EPHA6: variants seen among roughly 807,000 people sequenced by gnomAD.
EPHA6 encodes EPH receptor A6, also known as ephrin type-A receptor 6.
In EPHA6, 50 loss-of-function variants were observed where a neutral mutation model predicts 112.0. That is an observed-to-expected ratio of 0.45 (90% CI 0.36 to 0.56). The LOEUF is 0.56. EPHA6 is among the 20% of genes least tolerant of loss of function. EPHA6 has a pLI of 0.00. For missense variants in EPHA6, 1,280 were observed against 1,417.4 expected, an observed-to-expected ratio of 0.90 and a Z score of 1.56; for synonymous variants, 529 against 490.7, an observed-to-expected ratio of 1.08 and a Z score of -1.03.
intron 3 of EPHA6, among the ~76,000 whole-genome samples, chr3:97,206,571 G>T (rs1195426015): frequency 6.6e-6 from 1 of 151,820 alleles, no homozygotes; most frequent in Non-Finnish European, 1.5e-5. Flanking sequence ...CAGTTAAAAT[G>T]CCTCATCTCC....
chr3:97,198,867 G>A (rs1205140339), intron 3 of EPHA6, among the ~76,000 whole-genome samples: 1 of 152,066 alleles, frequency 6.6e-6, no homozygotes, highest in Non-Finnish European at 1.5e-5. Context: ...CTTAAAGTTT[G>A]ATATTTGTAT....
intron 1 of EPHA6, among the ~76,000 whole-genome samples, chr3:96,825,072 A>C (rs949330628): frequency 6.6e-6 from 1 of 152,010 alleles, no homozygotes; most frequent in African/African-American, 2.4e-5. Context: ...ATCAGGATTT[A>C]TCATCATGAA....
chr3:96,834,784 T>C (rs1377479561), intron 1 of EPHA6, among the ~76,000 whole-genome samples: 1 of 152,040 alleles, frequency 6.6e-6, no homozygotes, highest in Non-Finnish European at 1.5e-5. Flanking sequence ...TTCCATCCCT[T>C]ATTAACAATG....
intron 5 of EPHA6, among the ~76,000 whole-genome samples, chr3:97,403,252 G>T (rs1248925892): frequency 6.6e-6 from 1 of 151,648 alleles, no homozygotes; most frequent in African/African-American, 2.4e-5. Context: ...TTTTAAATAA[G>T]AAAAAAGTTT....
chr3:97,649,527 A>G (rs2094092448), intron 14 of EPHA6, among the ~76,000 whole-genome samples: 1 of 152,126 alleles, frequency 6.6e-6, no homozygotes, highest in Non-Finnish European at 1.5e-5. Context: ...AGGAAATGGC[A>G]CTTTTTTTAG....
At chr3:97,730,789 C>A (rs1267926664) in intron 15 of EPHA6, among the ~76,000 whole-genome samples, 1 of 152,128 alleles carries the variant, frequency 6.6e-6, no homozygotes, top group Non-Finnish European at 1.5e-5. Context: ...GCACTCCATT[C>A]TTTGACTTGA....
At chr3:97,120,164 G>A (rs1398934097) in intron 3 of EPHA6, among the ~76,000 whole-genome samples, 2 of 151,802 alleles carry the variant, frequency 1.3e-5, no homozygotes, top group Non-Finnish European at 2.9e-5. Context: ...TCTTTCTACT[G>A]ATTAATCAAA....
intron 5 of EPHA6, among the ~76,000 whole-genome samples, chr3:97,375,954 A>G (rs1368436212): frequency 3.9e-5 from 6 of 152,160 alleles, no homozygotes; most frequent in Non-Finnish European, 8.8e-5. Flanking sequence ...CAAGCCTAAT[A>G]TTTTGCAGGA....
At chr3:97,011,192 A>G (rs2044072699) in intron 3 of EPHA6, among the ~76,000 whole-genome samples, 1 of 152,174 alleles carries the variant, frequency 6.6e-6, no homozygotes, top group African/African-American at 2.4e-5. Flanking sequence ...CAGTCTGTAT[A>G]AGGGGATTTT....
intron 11 of EPHA6, among the ~76,000 whole-genome samples, chr3:97,566,882 A>G (rs1452044891): frequency 6.6e-6 from 1 of 152,210 alleles, no homozygotes; most frequent in Non-Finnish European, 1.5e-5. Context: ...AGTTGAAAGG[A>G]AGTCCTAGAA....
chr3:97,302,477 G>GTT (rs76344112), intron 5 of EPHA6, among the ~76,000 whole-genome samples: 1 of 140,600 alleles, frequency 7.1e-6, no homozygotes, highest in Non-Finnish European at 1.6e-5. Flanking sequence ...AACCTCAGGT[G>GTT]TTTTTTTTTT....
intron 16 of EPHA6, among the ~76,000 whole-genome samples, chr3:97,738,347 T>C (rs1330990521): frequency 6.6e-6 from 1 of 152,050 alleles, no homozygotes; most frequent in Non-Finnish European, 1.5e-5. Context: ...AATCCTTTAA[T>C]CTGGGCCCCT....
intron 7 of EPHA6, among the ~76,000 whole-genome samples, chr3:97,473,929 GTTCTAA>G (rs1195087711): frequency 3.3e-5 from 5 of 151,824 alleles, no homozygotes; most frequent in African/African-American, 4.8e-5. Flanking sequence ...TAGTGACTAA[GTTCTAA>G]TTCTAAGATT....
intron 3 of EPHA6, among the ~76,000 whole-genome samples, chr3:97,181,334 T>C (rs1487448502): frequency 1.3e-5 from 2 of 151,992 alleles, no homozygotes; most frequent in Non-Finnish European, 2.9e-5. Context: ...GCACTATGAG[T>C]GGTCACCTGA....
chr3:96,818,561 T>C (rs1386372029), intron 1 of EPHA6, among the ~76,000 whole-genome samples: 1 of 151,992 alleles, frequency 6.6e-6, no homozygotes, highest in East Asian at 1.9e-4. Flanking sequence ...CACTGAGTTG[T>C]ATATAAATAC....
chr3:96,965,946 T>A (rs1013031666), intron 2 of EPHA6, among the ~76,000 whole-genome samples: 1 of 152,108 alleles, frequency 6.6e-6, no homozygotes, highest in African/African-American at 2.4e-5. Flanking sequence ...TTACTTCTCA[T>A]GTAAACATGG....
At chr3:97,222,356 A>T (rs1057117912) in intron 3 of EPHA6, among the ~76,000 whole-genome samples, 6 of 152,176 alleles carry the variant, frequency 3.9e-5, no homozygotes, top group African/African-American at 1.4e-4. Flanking sequence ...AAGTAACCCA[A>T]ATATATTTTA....
intron 1 of EPHA6, among the ~76,000 whole-genome samples, chr3:96,822,180 T>C (rs2033313003): frequency 6.6e-6 from 1 of 151,952 alleles, no homozygotes; most frequent in Non-Finnish European, 1.5e-5. Flanking sequence ...AAAATAAATA[T>C]TTCACACATT....
intron 7 of EPHA6, among the ~76,000 whole-genome samples, chr3:97,473,780 A>ATG (rs1560045540): frequency 6.6e-6 from 1 of 151,880 alleles, no homozygotes; most frequent in Non-Finnish European, 1.5e-5. Context: ...AAGATTAGGA[A>ATG]ATTCAGTGAA....
Sources: allele counts gnomAD v4.1 joint callset (sites outside exome capture counted in the v4.1 genomes callset), GRCh38; gene constraint gnomAD v4.1.1; transcripts MANE v1.5; gene names NCBI Gene and HGNC (gene_info 2026-07-23, HGNC 2026-07-21).